The following MATN2 variants were observed in gnomAD, a reference collection of about 807,000 sequenced individuals.
MATN2 encodes matrilin 2, also known as matrilin-2.
MATN2 carries 69 observed loss-of-function variants against 103.2 expected under a neutral mutation model. The observed-to-expected ratio is 0.67, with a 90% CI of 0.55 to 0.82. MATN2 has a LOEUF of 0.82. Ranked by LOEUF, MATN2 falls within the 40% of genes least tolerant of loss-of-function variation. The pLI, the probability that MATN2 is intolerant of heterozygous loss-of-function variation, is 0.00. For missense variants in MATN2, 1,023 were observed against 1,211.5 expected, an observed-to-expected ratio of 0.84 and a Z score of 2.31; for synonymous variants, 429 against 450.2, an observed-to-expected ratio of 0.95 and a Z score of 0.60.
intron 2 of MATN2, among the ~76,000 whole-genome samples, chr8:97,902,397 T>A (rs1343400065): frequency 6.7e-6 from 1 of 149,642 alleles, no homozygotes; most frequent in Non-Finnish European, 1.5e-5. Context: ...CTTGGGAGGC[T>A]GAGGCAGGAG....
At chr8:98,034,582 T>TA (rs1487940309) in intron 18 of MATN2, among the ~76,000 whole-genome samples, 1 of 152,146 alleles carries the variant, frequency 6.6e-6, no homozygotes, top group African/African-American at 2.4e-5. Context: ...AGAGGGCAGA[T>TA]AGAGGGTACT....
At chr8:97,907,788 G>A (rs1204845333) in intron 2 of MATN2, among the ~76,000 whole-genome samples, 1 of 152,154 alleles carries the variant, frequency 6.6e-6, no homozygotes, top group African/African-American at 2.4e-5. Context: ...ACACATAGAG[G>A]GCTTGGCACA....
chr8:97,902,868 T>A (rs1819035974), intron 2 of MATN2, among the ~76,000 whole-genome samples: 1 of 152,174 alleles, frequency 6.6e-6, no homozygotes, highest in African/African-American at 2.4e-5. Context: ...AGGAGTCTCC[T>A]GTTTTTAGGC....
At chr8:98,023,393 G>A (rs1000769590) in intron 13 of MATN2, among the ~76,000 whole-genome samples, 2 of 152,202 alleles carry the variant, frequency 1.3e-5, no homozygotes, top group African/African-American at 2.4e-5. Flanking sequence ...CTGAACAGCC[G>A]GGTGTTGTGG....
At position 97,982,211 on chromosome 8, in the gene MATN2, A is replaced by G. The variant is rs2130319714; in HGVS notation, c.1081+3203A>G. ...AGTACTTGGAAAGCTAAGAGTAGAA[A>G]ATAAGGCAAAAGCCCAGTCGTAAGA... is the stretch of plus-strand genomic sequence containing the variant. On this transcript the variant is annotated intron_variant, in intron 6 of 18. Coordinates refer to ENST00000254898, the MANE Select transcript of MATN2 (RefSeq NM_002380.5). The surrounding 1 kb of genome is among the most constrained non-coding windows in gnomAD (Gnocchi z 4.3). Among the ~76,000 whole-genome samples, 1 of 152,368 alleles carries G rather than the reference A, an allele frequency of 6.6e-6. No individual in the cohort carries two copies. Among genetic ancestry groups the G allele is most frequent in the Non-Finnish European group, 1.5e-5 (1 of 68,030 alleles).
intron 16 of MATN2, 39 bp downstream of exon 16, chr8:98,032,356 G>C: frequency 1.3e-6 from 2 of 1,507,038 alleles, no homozygotes; most frequent in South Asian, 1.2e-5. Context: ...AATTTTGGTG[G>C]AGGGAACCAT....
chr8:98,017,715 C>T (rs1813413995), intron 11 of MATN2, among the ~76,000 whole-genome samples: 1 of 152,202 alleles, frequency 6.6e-6, no homozygotes, highest in Non-Finnish European at 1.5e-5. Flanking sequence ...ATTCTGATAT[C>T]AGAAACTATG....
chr8:97,910,885 A>G (rs1022850263), intron 2 of MATN2, among the ~76,000 whole-genome samples: 3 of 152,356 alleles, frequency 2.0e-5, no homozygotes, highest in Non-Finnish European at 2.9e-5. Flanking sequence ...TTAGCATTAT[A>G]CTGATATATA....
In MATN2 at chr8:98,027,823, G is replaced by A; in HGVS notation, c.2350G>A (p.Ala784Thr). Reference sequence around the variant, plus strand: ...CTCCGAGTGGGCCAGTAAAGCCAAGGCCAATGGTAATATGGGGTGGAGGTG... The same window carrying A: ...CTCCGAGTGGGCCAGTAAAGCCAAGACCAATGGTAATATGGGGTGGAGGTG... The part of the protein sequence containing the change: ...DVSEWASKAK[A>T]NGITMYAVGV... Residue 784 changes from alanine (A) to threonine (T), a missense_variant, in exon 14 of 19, where the codon GCC becomes ACC. Transcript: ENST00000254898. 1 of 1,564,576 alleles carries A rather than the reference G, an allele frequency of 6.4e-7. No homozygotes were observed. The highest frequency in any genetic ancestry group is 8.6e-7 in the Non-Finnish European group (1 of 1,158,076).
intron 2 of MATN2, among the ~76,000 whole-genome samples, chr8:97,912,981 C>T (rs969935669): frequency 6.6e-6 from 1 of 152,162 alleles, no homozygotes; most frequent in African/African-American, 2.4e-5. Context: ...GCCCAGGGAC[C>T]ACCACGCAAG....
intron 2 of MATN2, among the ~76,000 whole-genome samples, chr8:97,903,829 C>T (rs1022738415): frequency 6.6e-6 from 1 of 152,124 alleles, no homozygotes; most frequent in African/African-American, 2.4e-5. Flanking sequence ...GGAGATAGGA[C>T]CACTTGATCC....
At chr8:97,985,910 CT>C (rs1338304217) in intron 6 of MATN2, among the ~76,000 whole-genome samples, 3 of 152,072 alleles carry the variant, frequency 2.0e-5, no homozygotes, top group Admixed American at 6.6e-5. Flanking sequence ...TCTCTCCAGT[CT>C]TTTTTTAATG....
In MATN2 at chr8:98,021,147, T is replaced by C. The variant is rs953629960; in HGVS notation, c.1820-58T>C. On this transcript the variant is annotated intron_variant, in intron 12 of 18. Coordinates refer to ENST00000254898, the MANE Select transcript of MATN2 (RefSeq NM_002380.5). ...TCCACAATCTCTACTCACATGACTA[T>C]TCAATTCACCTCATTTCTACACTGA... is the stretch of plus-strand genomic sequence containing the variant. 21 of 1,562,284 alleles carry C rather than the reference T, an allele frequency of 1.3e-5. No individual in the cohort carries two copies. The African/African-American group carries it at 2.2e-4, about 16-fold the overall frequency.
At chr8:97,909,120 T>C (rs2130062870) in intron 2 of MATN2, among the ~76,000 whole-genome samples, 1 of 152,128 alleles carries the variant, frequency 6.6e-6, no homozygotes, top group East Asian at 1.9e-4. Flanking sequence ...TTGTATTTCT[T>C]GTGGTAGAGA....
intron 5 of MATN2, among the ~76,000 whole-genome samples, chr8:97,964,217 C>A (rs1032949569): frequency 3.9e-5 from 6 of 152,128 alleles, no homozygotes; most frequent in Non-Finnish European, 5.9e-5. Context: ...TGAAAGTTAA[C>A]CAGGTGGCCT....
chr8:97,935,329 G>A (rs2130160561), intron 3 of MATN2, among the ~76,000 whole-genome samples: 1 of 152,238 alleles, frequency 6.6e-6, no homozygotes, highest in African/African-American at 2.4e-5. Flanking sequence ...TGATATTAAT[G>A]TATGCATGTG....
At chr8:98,000,128 G>A (rs1480175826) in intron 7 of MATN2, among the ~76,000 whole-genome samples, 3 of 151,140 alleles carry the variant, frequency 2.0e-5, no homozygotes, top group African/African-American at 4.9e-5. Context: ...TGATCCATCC[G>A]CCTCAGCCTT....
intron 2 of MATN2, among the ~76,000 whole-genome samples, chr8:97,889,165 A>G (rs376961168): frequency 1.1e-4 from 17 of 152,178 alleles, no homozygotes; most frequent in Admixed American, 3.3e-4. Flanking sequence ...TGCAAAGGCT[A>G]CTAAGAGAAC....
rs748288197 is a variant in MATN2, at chr8:98,027,848, G to T, written c.2356+19G>T. 67 of 1,537,884 alleles carry T rather than the reference G, an allele frequency of 4.4e-5. 1 individual carries two copies. In the East Asian group the frequency reaches 1.5e-3, roughly 34 times the overall value. ...GCCAATGGTAATATGGGGTGGAGGT[G>T]CGGTTTACACCACTCAAGGTTCAGG... On this transcript the variant is annotated intron_variant, in intron 14 of 18. Coordinates refer to ENST00000254898, the MANE Select transcript of MATN2 (RefSeq NM_002380.5).
Sources: allele counts gnomAD v4.1 joint callset (sites outside exome capture counted in the v4.1 genomes callset), GRCh38; gene constraint gnomAD v4.1.1; non-coding constraint Gnocchi (gnomAD v3.1); transcripts MANE v1.5; gene names NCBI Gene and HGNC (gene_info 2026-07-23, HGNC 2026-07-21).